Variants in MYO16 observed in about 807,000 individuals in gnomAD.
MYO16 encodes unconventional myosin-XVI.
In MYO16, 94 loss-of-function variants were observed where a neutral mutation model predicts 205.3. That is an observed-to-expected ratio of 0.46 (90% CI 0.39 to 0.54). The LOEUF (loss-of-function observed/expected upper bound fraction) is 0.54, where lower values mean the gene tolerates loss of function less well. Ranked by LOEUF, MYO16 falls within the 20% of genes least tolerant of loss-of-function variation. The probability of loss-of-function intolerance (pLI) is 0.00; values close to 1 mark genes in which losing one functional copy is unlikely to be tolerated. For synonymous variants in MYO16, 988 were observed against 954.0 expected (o/e 1.04, Z -0.66); for missense variants, 2,315 against 2,387.5 (o/e 0.97, Z 0.63).
chr13:108,724,943 T>A (rs1202331882), intron 3 of MYO16, among the ~76,000 whole-genome samples: 1 of 152,204 alleles, frequency 6.6e-6, no homozygotes. Context: ...CATTTTGATA[T>A]AATCTTTTAA....
At chr13:108,599,522 T>G (rs1594134522) in intron 1 of MYO16, among the ~76,000 whole-genome samples, 1 of 152,168 alleles carries the variant, frequency 6.6e-6, no homozygotes, top group East Asian at 1.9e-4. Flanking sequence ...GCTGTTACTT[T>G]GTAATTCAAG....
intron 2 of MYO16, among the ~76,000 whole-genome samples, chr13:108,702,592 A>C (rs142684344): frequency 6.6e-6 from 1 of 152,228 alleles, no homozygotes. Flanking sequence ...TTGAATTTGC[A>C]TAAAAGATAA....
intron 12 of MYO16, among the ~76,000 whole-genome samples, chr13:108,878,730 G>T (rs535035598): frequency 1.3e-5 from 2 of 152,176 alleles, no homozygotes; most frequent in Non-Finnish European, 2.9e-5. Context: ...ACCCCTAGAC[G>T]CTACTATGGG....
At chr13:108,671,016 A>G (rs1027637658) in intron 2 of MYO16, among the ~76,000 whole-genome samples, 1 of 152,210 alleles carries the variant, frequency 6.6e-6, no homozygotes, top group African/African-American at 2.4e-5. Context: ...AAAGACACTA[A>G]AATCTAAGCA....
chr13:109,107,808 T>TTTATATTATATTATATTATA (rs1264152970), intron 28 of MYO16, among the ~76,000 whole-genome samples: 145 of 57,612 alleles, frequency 2.5e-3, no homozygotes, highest in Non-Finnish European at 4.6e-3. Flanking sequence ...ACCATATATA[T>TTTATATTATATTATATTATA]TCATATTATA....
At chr13:108,784,559 A>T (rs1345577449) in intron 4 of MYO16, among the ~76,000 whole-genome samples, 1 of 152,186 alleles carries the variant, frequency 6.6e-6, no homozygotes, top group Non-Finnish European at 1.5e-5. Flanking sequence ...ATCTGTGCAG[A>T]CTTGCTAAAG....
At chr13:109,136,893 A>C (rs905783377) in intron 31 of MYO16, among the ~76,000 whole-genome samples, 1 of 152,212 alleles carries the variant, frequency 6.6e-6, no homozygotes, top group Non-Finnish European at 1.5e-5. Context: ...TGACTTGTCT[A>C]TTGTTATGTA....
the MYO16 span, among the ~76,000 whole-genome samples, chr13:108,500,586 C>A: frequency 6.6e-6 from 1 of 152,014 alleles, no homozygotes; most frequent in South Asian, 2.1e-4. Flanking sequence ...TTTCCCTCCC[C>A]CACATCCCAT....
chr13:108,956,448 G>A (rs1234616030), intron 16 of MYO16, among the ~76,000 whole-genome samples: 2 of 152,096 alleles, frequency 1.3e-5, no homozygotes, highest in East Asian at 1.9e-4. Flanking sequence ...TTTCCAAGGC[G>A]CCAACATGAT....
chr13:108,828,805 G>A (rs1876433077), intron 9 of MYO16, among the ~76,000 whole-genome samples: 1 of 152,156 alleles, frequency 6.6e-6, no homozygotes, highest in Non-Finnish European at 1.5e-5. Flanking sequence ...TTGAAGCTCC[G>A]TGGAGACTCC....
chr13:109,101,131 G>A (rs998356090), intron 28 of MYO16: 5 of 429,006 alleles, frequency 1.2e-5, no homozygotes, highest in Non-Finnish European at 2.2e-5. Context: ...AGAAGCTTAT[G>A]AGCCCCATTC....
At chr13:109,137,850 A>T (rs1227400991) in intron 31 of MYO16, among the ~76,000 whole-genome samples, 1 of 152,054 alleles carries the variant, frequency 6.6e-6, no homozygotes, top group South Asian at 2.1e-4. Flanking sequence ...TCAAATTACA[A>T]CCCTGCCCTA....
At chr13:109,197,207 T>G (rs1422078937) in intron 34 of MYO16, among the ~76,000 whole-genome samples, 1 of 152,214 alleles carries the variant, frequency 6.6e-6, no homozygotes, top group African/African-American at 2.4e-5. Flanking sequence ...CCCCATGTGA[T>G]TTCAGAGCAG....
At chr13:108,953,405 C>G (rs565708435) in intron 16 of MYO16, among the ~76,000 whole-genome samples, 7 of 152,344 alleles carry the variant, frequency 4.6e-5, no homozygotes, top group African/African-American at 1.7e-4. Flanking sequence ...TACTCACATT[C>G]TGTACATGCA....
chr13:108,645,233 C>A (rs1356748467), intron 1 of MYO16, among the ~76,000 whole-genome samples: 3 of 152,270 alleles, frequency 2.0e-5, no homozygotes, highest in Non-Finnish European at 4.4e-5. Context: ...TAAGATCTGA[C>A]ACATTTTCAT....
intron 23 of MYO16, among the ~76,000 whole-genome samples, chr13:109,036,975 C>T (rs539137626): frequency 1.3e-5 from 2 of 152,300 alleles, no homozygotes; most frequent in South Asian, 4.1e-4. Flanking sequence ...AGCCTTCGAC[C>T]TAAAATCTTC....
At chr13:108,999,524 C>G (rs1594458216) in intron 21 of MYO16, among the ~76,000 whole-genome samples, 1 of 152,100 alleles carries the variant, frequency 6.6e-6, no homozygotes. Flanking sequence ...TATAATATAC[C>G]TCTTACAATC....
At chr13:108,776,913 G>A (rs1886141991) in intron 4 of MYO16, among the ~76,000 whole-genome samples, 1 of 152,182 alleles carries the variant, frequency 6.6e-6, no homozygotes, top group Admixed American at 6.5e-5. Flanking sequence ...CAGCTATGCT[G>A]CCTCTGGGTG....
intron 20 of MYO16, among the ~76,000 whole-genome samples, chr13:108,975,119 T>G (rs1417279984): frequency 6.6e-6 from 1 of 152,148 alleles, no homozygotes; most frequent in Non-Finnish European, 1.5e-5. Context: ...GTAAAATCCT[T>G]GGTATGCTTG....
Sources: gnomAD v4.1 joint callset for allele counts (sites outside exome capture counted in the v4.1 genomes callset) on GRCh38, gnomAD v4.1.1 for gene constraint, MANE v1.5 for transcripts, NCBI Gene and HGNC (gene_info 2026-07-23, HGNC 2026-07-21) for gene names.